Variants in PDE10A observed in about 807,000 individuals in gnomAD.
PDE10A encodes the protein cAMP and cAMP-inhibited cGMP 3',5'-cyclic phosphodiesterase 10A.
A neutral mutation model predicts 97.7 loss-of-function variants in PDE10A; 39 were observed. The ratio of observed to expected loss-of-function variants is 0.40; its 90% CI spans 0.31 to 0.52. PDE10A has a LOEUF of 0.52. PDE10A is among the 20% of genes least tolerant of loss of function. The pLI, the probability that PDE10A is intolerant of heterozygous loss-of-function variation, is 0.56. For synonymous variants in PDE10A, 371 were observed against 376.8 expected (o/e 0.98, Z 0.18); for missense variants, 731 against 1,047.8 (o/e 0.70, Z 4.17).
intron 21 of PDE10A, 116 bp downstream of exon 21, chr6:165,336,007 A>C: frequency 1.2e-6 from 1 of 840,168 alleles, no homozygotes; most frequent in Admixed American, 2.0e-5. Flanking sequence ...TGAGCACAAC[A>C]ACTCGACATC....
intron 1 of PDE10A, among the ~76,000 whole-genome samples, chr6:165,634,327 G>C (rs926204410): frequency 3.9e-5 from 6 of 152,106 alleles, no homozygotes; most frequent in African/African-American, 1.4e-4. Flanking sequence ...TGAGAGAACA[G>C]GGCACAGCTG....
chr6:165,618,165 A>T (rs1466544310), intron 1 of PDE10A, among the ~76,000 whole-genome samples: 1 of 152,204 alleles, frequency 6.6e-6, no homozygotes, highest in Non-Finnish European at 1.5e-5. Context: ...TGTGTTGTTT[A>T]AATGTATATT....
chr6:165,671,855 C>CTT lies in PDE10A; in HGVS notation c.-614-128288_-614-128287insAA, dbSNP rs1183593271. ...TTAAAGGGAGATCATTTTATAGGGG[C>CTT]ATCAGTTAAAATGGTCTCCCCATAT... On this transcript the variant is annotated intron_variant, in intron 1 of 19. Transcript: ENST00000366882. The surrounding 1 kb of genome is among the most constrained non-coding windows in gnomAD (Gnocchi z 4.6). Among the ~76,000 whole-genome samples the CTT allele has an allele frequency of 6.6e-6, 1 of 152,108 alleles. No homozygotes were observed. Among genetic ancestry groups the CTT allele is most frequent in the Non-Finnish European group, 1.5e-5 (1 of 68,030 alleles).
At chr6:165,873,320 T>C (rs902919402) in intron 1 of PDE10A, among the ~76,000 whole-genome samples, 4 of 152,176 alleles carry the variant, frequency 2.6e-5, no homozygotes, top group African/African-American at 9.7e-5. Context: ...ACTAGGACAT[T>C]TTGGGGAAGC....
At chr6:165,691,107 C>CTTTCTCT (rs1554305960) in intron 1 of PDE10A, among the ~76,000 whole-genome samples, 1 of 13,426 alleles carries the variant, frequency 7.4e-5, no homozygotes, top group African/African-American at 1.9e-4. Context: ...CTTTCTCTCT[C>CTTTCTCT]CCCCCCCCCA....
chr6:165,961,684 A>C (rs1344077517), intron 1 of PDE10A, among the ~76,000 whole-genome samples: 1 of 152,184 alleles, frequency 6.6e-6, no homozygotes, highest in Non-Finnish European at 1.5e-5. Context: ...CTCTGACTTG[A>C]TGGAAGTTTC....
chr6:165,818,492 C>G (rs1483881063), intron 1 of PDE10A, among the ~76,000 whole-genome samples: 1 of 152,132 alleles, frequency 6.6e-6, no homozygotes. Context: ...CACACAAATA[C>G]TAAAAGCAAA....
chr6:165,800,101 T>C (rs1778943388), intron 1 of PDE10A, among the ~76,000 whole-genome samples: 1 of 152,198 alleles, frequency 6.6e-6, no homozygotes, highest in Non-Finnish European at 1.5e-5. Flanking sequence ...TGAGCTGAAG[T>C]TCTCAGAGCA....
intron 1 of PDE10A, among the ~76,000 whole-genome samples, chr6:165,754,578 ATATGTGTGTG>A (rs1470231159): frequency 2.0e-5 from 3 of 152,122 alleles, no homozygotes; most frequent in Non-Finnish European, 4.4e-5. Flanking sequence ...ATATATATAT[ATATGTGTGTG>A]TATGTGTGTG....
At chr6:165,680,475 A>G (rs1166177533) in intron 1 of PDE10A, among the ~76,000 whole-genome samples, 2 of 152,352 alleles carry the variant, frequency 1.3e-5, no homozygotes, top group Non-Finnish European at 2.9e-5. Flanking sequence ...CAAAAGATAA[A>G]TGGAGTCTTG....
intron 10 of PDE10A, among the ~76,000 whole-genome samples, chr6:165,426,185 T>C (rs970936985): frequency 6.6e-6 from 1 of 152,154 alleles, no homozygotes. Flanking sequence ...TTTGTAGAAA[T>C]TGACCTGCTA....
chr6:165,542,514 C>T (rs566745491), intron 2 of PDE10A, among the ~76,000 whole-genome samples: 4 of 151,698 alleles, frequency 2.6e-5, no homozygotes, highest in African/African-American at 4.8e-5. Flanking sequence ...ATTTAAACCA[C>T]GATGTGCTTA....
rs190069906 is a variant in PDE10A at position 165,935,569 on chromosome 6, G to A, written c.-615+51960C>T. On this transcript the variant is annotated intron_variant, in intron 1 of 19. Transcript: ENST00000366882. ...GATTCTGGACTAAAATTAAGGCAAG[G>A]ATAGCAGGAATGGAGGAGAGTGGAT... is the stretch of plus-strand genomic sequence containing the variant. Among the ~76,000 whole-genome samples the A allele has an allele frequency of 1.3e-3, 192 of 152,360 alleles. 6 individuals are homozygous for A. Among genetic ancestry groups the A allele is most frequent in the Admixed American group, 0.012 (178 of 15,308 alleles).
At chr6:165,591,840 T>C (rs111739994) in intron 1 of PDE10A, among the ~76,000 whole-genome samples, 1,793 of 152,314 alleles carry the variant, frequency 0.012, 14 homozygotes, top group Middle Eastern at 0.017. Flanking sequence ...GACCTATTCA[T>C]TCATCAATGC....
At chr6:165,570,594 A>G in intron 1 of PDE10A, among the ~76,000 whole-genome samples, 1 of 152,258 alleles carries the variant, frequency 6.6e-6, no homozygotes, top group Middle Eastern at 3.2e-3. Context: ...ATTTTAAAAG[A>G]GGAAATAACT....
intron 1 of PDE10A, among the ~76,000 whole-genome samples, chr6:165,968,086 G>A (rs1784563089): frequency 6.6e-6 from 1 of 152,218 alleles, no homozygotes; most frequent in African/African-American, 2.4e-5. Context: ...TAGGGAAGTG[G>A]CACAGAAAGG....
intron 2 of PDE10A, among the ~76,000 whole-genome samples, chr6:165,505,433 C>A (rs1288540643): frequency 1.3e-5 from 2 of 152,022 alleles, no homozygotes; most frequent in East Asian, 3.8e-4. Context: ...CACTGTATAC[C>A]ATTTTGTGAT....
chr6:165,949,217 C>A (rs902989444), intron 1 of PDE10A: 1 of 152,220 alleles, frequency 6.6e-6, no homozygotes, highest in Non-Finnish European at 1.5e-5. Flanking sequence ...ATATTGGTCA[C>A]GCTAACCCAT....
chr6:165,872,717 T>G (rs559540109), intron 1 of PDE10A, among the ~76,000 whole-genome samples: 39 of 152,302 alleles, frequency 2.6e-4, no homozygotes, highest in African/African-American at 8.9e-4. Context: ...ATGGAAGATT[T>G]CACTAGGAAA....
Sources: gnomAD v4.1 joint callset for allele counts (sites outside exome capture counted in the v4.1 genomes callset) on GRCh38, gnomAD v4.1.1 for gene constraint, Gnocchi (gnomAD v3.1) non-coding constraint, MANE v1.5 for transcripts, NCBI Gene and HGNC (gene_info 2026-07-23, HGNC 2026-07-21) for gene names.